Variants in ZFP90 observed in about 807,000 individuals in gnomAD.
ZFP90 encodes zinc finger protein 90 homolog.
ZFP90 carries 38 observed loss-of-function variants against 60.8 expected under a neutral mutation model. The observed-to-expected ratio is 0.62, with a 90% CI of 0.48 to 0.82. ZFP90 has a LOEUF of 0.82. Ranked by LOEUF, ZFP90 falls within the 40% of genes least tolerant of loss-of-function variation. The probability of loss-of-function intolerance (pLI) is 0.00; values close to 1 mark genes in which losing one functional copy is unlikely to be tolerated. For missense variants in ZFP90, 711 were observed against 759.1 expected (o/e 0.94, Z 0.74); for synonymous variants, 287 against 264.8 (o/e 1.08, Z -0.82).
chr16:68,540,262 T>C (rs2091018050), intron 2 of ZFP90, among the ~76,000 whole-genome samples: 2 of 152,126 alleles, frequency 1.3e-5, no homozygotes, highest in African/African-American at 2.4e-5. Context: ...CGTAGAAGCC[T>C]GGTTAGAACA....
Position 68,564,248 on chromosome 16 carries a change from A to G in ZFP90, c.1461A>G (p.Gln487=), listed in dbSNP as rs766124117. 46 of 1,613,790 alleles carry G rather than the reference A, an allele frequency of 2.9e-5. No homozygotes were observed. The highest frequency in any genetic ancestry group is 2.5e-5 in the Non-Finnish European group (30 of 1,179,970). Residue 487 remains glutamine, a synonymous_variant, in exon 5 of 5, where the codon CAA becomes CAG. Transcript: ENST00000563169. The stretch of plus-strand genomic sequence containing the variant: ...ATTGTGAGCAGGCTTTTAGTCAGCA[A>G]GCTATTTCTCATCCTGGAGAGAAAC... The part of the protein sequence containing the change: ...PYDCEQAFSQ[Q]AISHPGEKPY...
At chr16:68,561,044 G>A (rs866789328) in intron 4 of ZFP90, among the ~76,000 whole-genome samples, 1 of 152,022 alleles carries the variant, frequency 6.6e-6, no homozygotes, top group Non-Finnish European at 1.5e-5. Context: ...ACAGGCACAC[G>A]CCACCATGCC....
At chr16:68,538,678 C>T (rs2090980888), upstream of ZFP90, among the ~76,000 whole-genome samples, 1 of 149,434 alleles carries the variant, frequency 6.7e-6, no homozygotes, top group Admixed American at 6.7e-5. Flanking sequence ...TGCACTCCAA[C>T]CTAGGCAACA....
chr16:68,539,491 T>C lies in ZFP90; in HGVS notation c.-36+12T>C, dbSNP rs1055068661. ...GGCGGTGATTCTGAGTGCGCGGGTC[T>C]GGGCGGGACCCCTCCTGGGTTTGGC... On this transcript the variant is annotated intron_variant, in intron 1 of 4. Coordinates refer to ENST00000563169, the MANE Select transcript of ZFP90 (RefSeq NM_001305203.2). 2.3e-6 allele frequency: 1 copy of C among 443,654 alleles called. No individual in the cohort carries two copies. The highest frequency in any genetic ancestry group is 4.0e-6 in the Non-Finnish European group (1 of 250,858). 27.5% of individuals were successfully genotyped at this position (443,654 alleles called of 1,614,324 possible). A position where few individuals can be genotyped will look rare whatever the true frequency, so the allele number is the denominator to read the frequency against.
At chr16:68,538,396 C>T (rs920135688), upstream of ZFP90, among the ~76,000 whole-genome samples, 1 of 152,110 alleles carries the variant, frequency 6.6e-6, no homozygotes, top group Non-Finnish European at 1.5e-5. Flanking sequence ...AACGTAATAG[C>T]TGTATCTAAA....
At chr16:68,575,963 G>T in exon 3 of ZFP90, 1 of 366,418 alleles carries the variant, frequency 2.7e-6, no homozygotes, top group Non-Finnish European at 4.8e-6. Context: ...GTGAGAATCA[G>T]ATTTTTCACA....
At position 68,564,929 on chromosome 16, in the gene ZFP90, G is replaced by A; in HGVS notation, c.*231G>A. ...TACATGTATGTAGCTGGTTGGGGAT[G>A]ATATGCCTGTATGTTGGACTTTGCT... On this transcript the variant is annotated 3_prime_UTR_variant, in exon 5 of 5. Coordinates refer to ENST00000563169, the MANE Select transcript of ZFP90 (RefSeq NM_001305203.2). The A allele has an allele frequency of 7.8e-7, 1 of 1,280,848 alleles. No individual in the cohort carries two copies. The highest frequency in any genetic ancestry group is 9.8e-7 in the Non-Finnish European group (1 of 1,016,088). 79.3% of individuals were successfully genotyped at this position (1,280,848 alleles called of 1,614,324 possible). A position where few individuals can be genotyped will look rare whatever the true frequency, so the allele number is the denominator to read the frequency against.
chr16:68,534,259 C>T (rs1357592519), intron 2 of ZFP90, among the ~76,000 whole-genome samples: 2 of 135,928 alleles, frequency 1.5e-5, no homozygotes, highest in African/African-American at 2.8e-5. Context: ...GACAGCGTCT[C>T]ACTGTGTAGC....
chr16:68,566,328 C>G lies in ZFP90; in HGVS notation c.*1630C>G. On this transcript the variant is annotated 3_prime_UTR_variant, in exon 5 of 5. Coordinates refer to ENST00000563169, the MANE Select transcript of ZFP90 (RefSeq NM_001305203.2). ...TTGATTCCTTTTACACAAGAGCTGC[C>G]TCCCAAAGATAGATAAATTTTCCCA... 1.0e-6 allele frequency: 1 copy of G among 985,458 alleles called. No individual in the cohort carries two copies. Among genetic ancestry groups the G allele is most frequent in the Non-Finnish European group, 1.2e-6 (1 of 829,936 alleles). The allele number at this position is 985,458 out of a possible 1,614,324, so 61.0% of individuals were successfully genotyped here. A position where few individuals can be genotyped will look rare whatever the true frequency, so the allele number is the denominator to read the frequency against.
rs576375490 is a variant in ZFP90 at position 68,565,013 on chromosome 16, A to G, written c.*315A>G. On this transcript the variant is annotated 3_prime_UTR_variant, in exon 5 of 5. Transcript: ENST00000563169. Reference sequence around the variant, plus strand: ...TCAACATCTTGACTTGTGACCCCCAATGTCAACAGCTTTTTTAAAAAGCAA... The same window carrying G: ...TCAACATCTTGACTTGTGACCCCCAGTGTCAACAGCTTTTTTAAAAAGCAA... 4 of 1,051,676 alleles carry G rather than the reference A, an allele frequency of 3.8e-6. No individual in the cohort carries two copies. Among genetic ancestry groups the G allele is most frequent in the Non-Finnish European group, 4.6e-6 (4 of 873,694 alleles). 65.1% of individuals were successfully genotyped at this position (1,051,676 alleles called of 1,614,324 possible).
In ZFP90 at chr16:68,564,397, G is replaced by A. The variant is rs369659817; in HGVS notation, c.1610G>A (p.Arg537His). The change falls in exon 5 of 5, where the codon CGC (arginine) becomes CAC (histidine). Residue 537 changes from arginine to histidine, a missense_variant. Arg to His is a conservative substitution (Grantham distance 29). Transcript: ENST00000563169. ...CNECGEAFSR[R>H]SSLTQHERTH... ...GAGTGTGGAGAAGCCTTTAGTCGAC[G>A]CTCATCGCTTACTCAACATGAGAGA... The A allele has an allele frequency of 3.9e-5, 63 of 1,613,836 alleles. No homozygotes were observed. The African/African-American group carries it at 6.1e-4, about 16-fold the overall frequency.
chr16:68,546,508 ATGTTTTGTTT>A (rs543102490), intron 2 of ZFP90, among the ~76,000 whole-genome samples: 1 of 152,016 alleles, frequency 6.6e-6, no homozygotes, highest in Non-Finnish European at 1.5e-5. Flanking sequence ...ATCAAACAGT[ATGTTTTGTTT>A]TGTTTTGTTT....
rs533532486 is a variant in ZFP90, at chr16:68,564,760, A to G, written c.*62A>G. ...CTAAAATGTTCTGATTCAGGATCAG[A>G]GGATTCTTAGAGAGCTTGGGAATGT... On this transcript the variant is annotated 3_prime_UTR_variant, in exon 5 of 5. Coordinates refer to ENST00000563169, the MANE Select transcript of ZFP90 (RefSeq NM_001305203.2). 6 of 1,524,800 alleles carry G rather than the reference A, an allele frequency of 3.9e-6. No homozygotes were observed. The highest frequency in any genetic ancestry group is 5.3e-6 in the Non-Finnish European group (6 of 1,142,292). 94.5% of individuals were successfully genotyped at this position (1,524,800 alleles called of 1,614,324 possible). A position where few individuals can be genotyped will look rare whatever the true frequency, so the allele number is the denominator to read the frequency against.
chr16:68,557,594 A>G (rs1224505531), intron 2 of ZFP90, among the ~76,000 whole-genome samples: 1 of 151,882 alleles, frequency 6.6e-6, no homozygotes, highest in African/African-American at 2.4e-5. Context: ...ACACCAAACT[A>G]TTAAGAGTGG....
In ZFP90 at chr16:68,564,841, A is replaced by ATTTTTTTT. The variant is rs34979386; in HGVS notation, c.*148_*155dup. ...TGTGGAGAAAACTGCCAGTAGACAGATTTTTTTTTTTTAACATAAAGACAC... is the reference window on the plus strand; with the variant it reads ...TGTGGAGAAAACTGCCAGTAGACAGATTTTTTTTTTTTTTTTTTTTAACATAAAGACAC... On this transcript the variant is annotated 3_prime_UTR_variant, in exon 5 of 5. Transcript: ENST00000563169. The ATTTTTTTT allele has an allele frequency of 9.2e-7, 1 of 1,083,062 alleles. No homozygotes were observed. 67.1% of individuals were successfully genotyped at this position (1,083,062 alleles called of 1,614,324 possible).
At position 68,565,543 on chromosome 16, in the gene ZFP90, C is replaced by T; in HGVS notation, c.*845C>T. Reference sequence around the variant, plus strand: ...TGGTTGAACTACTAGTGACTTTTTTCCCCTTTTCCCAGTTACAATTATACT... The same window carrying T: ...TGGTTGAACTACTAGTGACTTTTTTTCCCTTTTCCCAGTTACAATTATACT... On this transcript the variant is annotated 3_prime_UTR_variant, in exon 5 of 5. Transcript: ENST00000563169. 1.0e-6 allele frequency: 1 copy of T among 985,522 alleles called. No homozygotes were observed. Among genetic ancestry groups the T allele is most frequent in the South Asian group, 4.7e-5 (1 of 21,288 alleles). The allele number at this position is 985,522 out of a possible 1,614,324, so 61.0% of individuals were successfully genotyped here.
intron 2 of ZFP90, among the ~76,000 whole-genome samples, chr16:68,574,503 T>A (rs1190863703): frequency 2.2e-5 from 3 of 138,454 alleles, no homozygotes; most frequent in Non-Finnish European, 4.7e-5. Context: ...AAAAAAAAAA[T>A]TATTCCCAAA....
rs202158355 is a variant in ZFP90, at chr16:68,540,909, GC to G, written c.33+1086del. On this transcript the variant is annotated intron_variant, in intron 2 of 4. Transcript: ENST00000563169. ...GTGAATTAAGCATACAATACATCATGCCTTTTTTTTTTTTTTTTTTGAAACA... is the reference window on the plus strand; with the variant it reads ...GTGAATTAAGCATACAATACATCATGCTTTTTTTTTTTTTTTTTTGAAACA... Among the ~76,000 whole-genome samples, 108 of 117,472 alleles carry G rather than the reference GC, an allele frequency of 9.2e-4. 2 individuals are homozygous for G. The highest frequency in any genetic ancestry group is 9.0e-4 in the African/African-American group (29 of 32,348). 77.1% of individuals were successfully genotyped at this position (117,472 alleles called of 152,430 possible).
intron 2 of ZFP90, among the ~76,000 whole-genome samples, chr16:68,553,600 T>C (rs567193685): frequency 6.6e-6 from 1 of 152,158 alleles, no homozygotes; most frequent in South Asian, 2.1e-4. Context: ...AGAGGTGACT[T>C]GATCTGGCAG....
Sources: gnomAD v4.1 joint callset for allele counts (sites outside exome capture counted in the v4.1 genomes callset) on GRCh38, gnomAD v4.1.1 for gene constraint, MANE v1.5 for transcripts, NCBI Gene and HGNC (gene_info 2026-07-23, HGNC 2026-07-21) for gene names.